The following IGSF21 variants were observed in gnomAD, a reference collection of about 807,000 sequenced individuals.
IGSF21 encodes immunoglobulin superfamily member 21.
In IGSF21, 28 loss-of-function variants were observed where a neutral mutation model predicts 46.8. The observed-to-expected ratio is 0.60, with a 90% CI of 0.44 to 0.82. The LOEUF (loss-of-function observed/expected upper bound fraction) is 0.82. IGSF21 is among the 40% of genes least tolerant of loss of function. The pLI, the probability that IGSF21 is intolerant of heterozygous loss-of-function variation, is 0.00. For missense variants in IGSF21, 624 were observed against 665.5 expected (o/e 0.94, Z 0.69); for synonymous variants, 284 against 273.6 (o/e 1.04, Z -0.38).
At chr1:18,119,862 T>TA (rs1043145762) in intron 1 of IGSF21, among the ~76,000 whole-genome samples, 5 of 151,930 alleles carry the variant, frequency 3.3e-5, no homozygotes, top group African/African-American at 4.8e-5. Context: ...CTCCCTCTTT[T>TA]AAAAAAATGG....
At chr1:18,238,052 T>G (rs1471519445) in intron 2 of IGSF21, among the ~76,000 whole-genome samples, 5 of 152,042 alleles carry the variant, frequency 3.3e-5, no homozygotes, top group African/African-American at 1.2e-4. Flanking sequence ...TTGTGTGTGT[T>G]TTTGTGGGAG....
chr1:18,299,769 G>GT (rs2085343825), intron 3 of IGSF21, among the ~76,000 whole-genome samples: 1 of 152,180 alleles, frequency 6.6e-6, no homozygotes, highest in Non-Finnish European at 1.5e-5. Flanking sequence ...TTATTTTATT[G>GT]TTTTTAACAG....
intron 1 of IGSF21, among the ~76,000 whole-genome samples, chr1:18,210,134 CTGGATGTAGGA>C (rs990454062): frequency 5.9e-5 from 9 of 152,124 alleles, no homozygotes; most frequent in Non-Finnish European, 1.3e-4. Context: ...GTTTCTCTTG[CTGGATGTAGGA>C]TGTATGCATT....
intron 2 of IGSF21, among the ~76,000 whole-genome samples, chr1:18,263,695 C>G (rs1425360478): frequency 6.6e-6 from 1 of 152,158 alleles, no homozygotes; most frequent in Non-Finnish European, 1.5e-5. Context: ...AGTGCGGATT[C>G]CCAGTCCCAC....
intron 2 of IGSF21, among the ~76,000 whole-genome samples, chr1:18,277,467 G>A (rs1314651640): frequency 6.6e-6 from 1 of 152,220 alleles, no homozygotes; most frequent in African/African-American, 2.4e-5. Context: ...CTGACACATA[G>A]TAGGTGCTCA....
intron 3 of IGSF21, among the ~76,000 whole-genome samples, chr1:18,314,807 C>T (rs2085524443): frequency 6.6e-6 from 1 of 152,084 alleles, no homozygotes; most frequent in Admixed American, 6.6e-5. Flanking sequence ...GTGGGAGGGG[C>T]TCAAAACCTG....
chr1:18,119,380 T>C (rs531096466), intron 1 of IGSF21, among the ~76,000 whole-genome samples: 1 of 152,374 alleles, frequency 6.6e-6, no homozygotes, highest in South Asian at 2.1e-4. Flanking sequence ...TCCATTTAGC[T>C]GAATTCTACA....
At chr1:18,201,130 A>G (rs1171971633) in intron 1 of IGSF21, among the ~76,000 whole-genome samples, 1 of 152,148 alleles carries the variant, frequency 6.6e-6, no homozygotes, top group Non-Finnish European at 1.5e-5. Flanking sequence ...TGGGTAGAGG[A>G]AGGAGCTTGA....
chr1:18,265,211 A>G (rs1304196919), intron 2 of IGSF21, among the ~76,000 whole-genome samples: 3 of 152,172 alleles, frequency 2.0e-5, no homozygotes, highest in East Asian at 3.9e-4. Flanking sequence ...ACTTAGTATC[A>G]CCATCCAAAT....
Position 18,365,267 on chromosome 1 carries a change from A to G in IGSF21, c.585A>G (p.Leu195=), listed in dbSNP as rs756735357. The part of the protein sequence containing the change: ...RDGEPIDAVP[L]SEPPAASSGP... ...GGGAACCAATCGACGCAGTGCCCCT[A>G]TCAGAGCCACCAGCTGCGAGCTCCG... Residue 195 remains leucine, a synonymous_variant, in exon 6 of 10, where the codon CTA becomes CTG. Coordinates refer to ENST00000251296, the MANE Select transcript of IGSF21 (RefSeq NM_032880.5). The surrounding 1 kb of genome is among the most constrained non-coding windows in gnomAD (Gnocchi z 4.8). The G allele has an allele frequency of 1.9e-6, 3 of 1,613,416 alleles. No homozygotes were observed. In the South Asian group the frequency reaches 3.3e-5, roughly 18 times the overall value.
chr1:18,221,841 T>G (rs1465830275), intron 1 of IGSF21, among the ~76,000 whole-genome samples: 1 of 152,092 alleles, frequency 6.6e-6, no homozygotes, highest in African/African-American at 2.4e-5. Flanking sequence ...CTCTAAGGAA[T>G]GGTGTTGAGT....
intron 2 of IGSF21, among the ~76,000 whole-genome samples, chr1:18,284,356 C>G (rs186686486): frequency 6.6e-6 from 1 of 152,244 alleles, no homozygotes; most frequent in Non-Finnish European, 1.5e-5. Context: ...TACTACGTGC[C>G]GGTTCCCATG....
intron 3 of IGSF21, among the ~76,000 whole-genome samples, chr1:18,332,456 C>T (rs1372555664): frequency 6.6e-6 from 1 of 151,888 alleles, no homozygotes; most frequent in East Asian, 1.9e-4. Flanking sequence ...TGTTTGTAAG[C>T]CATGGGGTCT....
At chr1:18,243,104 A>G (rs894461500) in intron 2 of IGSF21, among the ~76,000 whole-genome samples, 1 of 152,206 alleles carries the variant, frequency 6.6e-6, no homozygotes, top group Admixed American at 6.5e-5. Flanking sequence ...GGTGCCCTGC[A>G]ATGGAGCTTG....
At chr1:18,228,538 C>T (rs1440011608) in intron 2 of IGSF21, among the ~76,000 whole-genome samples, 3 of 152,172 alleles carry the variant, frequency 2.0e-5, no homozygotes, top group Admixed American at 2.0e-4. Context: ...GCCCAGGGCC[C>T]AGGTGTTGGC....
chr1:18,377,053 G>A (rs2086290470), intron 8 of IGSF21, 61 bp downstream of exon 8: 3 of 1,509,368 alleles, frequency 2.0e-6, no homozygotes, highest in East Asian at 2.3e-5. Context: ...TGTCTGGGAG[G>A]TTTCCCCAGG....
chr1:18,349,916 C>T (rs1441356744), intron 4 of IGSF21, among the ~76,000 whole-genome samples: 1 of 151,478 alleles, frequency 6.6e-6, no homozygotes, highest in African/African-American at 2.4e-5. Flanking sequence ...CACTAAATTA[C>T]AAATATAACA....
chr1:18,279,368 A>G (rs1485554191), intron 2 of IGSF21, among the ~76,000 whole-genome samples: 1 of 152,250 alleles, frequency 6.6e-6, no homozygotes, highest in Admixed American at 6.5e-5. Flanking sequence ...TCTCTGGCAC[A>G]TAGTGGGGAC....
intron 2 of IGSF21, among the ~76,000 whole-genome samples, chr1:18,265,379 G>A (rs2084980631): frequency 6.6e-6 from 1 of 152,192 alleles, no homozygotes; most frequent in Non-Finnish European, 1.5e-5. Flanking sequence ...TCGGGATGGT[G>A]GTTGTGGAAC....
Sources: gnomAD v4.1 joint callset for allele counts (sites outside exome capture counted in the v4.1 genomes callset) on GRCh38, gnomAD v4.1.1 for gene constraint, Gnocchi (gnomAD v3.1) non-coding constraint, MANE v1.5 for transcripts, NCBI Gene and HGNC (gene_info 2026-07-23, HGNC 2026-07-21) for gene names.